MANBA: variants seen among roughly 807,000 people sequenced by gnomAD.
MANBA encodes mannosidase beta.
In MANBA, 83 loss-of-function variants were observed where a neutral mutation model predicts 111.1. That is an observed-to-expected ratio of 0.75 (90% CI 0.63 to 0.90). The LOEUF is 0.90. Ranked by LOEUF, MANBA falls within the 40% of genes least tolerant of loss-of-function variation. The pLI, the probability that MANBA is intolerant of heterozygous loss-of-function variation, is 0.00. For synonymous variants in MANBA, 370 were observed against 378.7 expected (o/e 0.98, Z 0.27); for missense variants, 1,036 against 1,069.0 (o/e 0.97, Z 0.43).
chr4:102,753,916 A>T (rs1723905003), intron 1 of MANBA: 3 of 440,624 alleles, frequency 6.8e-6, no homozygotes, highest in Non-Finnish European at 1.4e-5. Context: ...GACCATGAGA[A>T]TCGCTTGAAC....
intron 11 of MANBA, among the ~76,000 whole-genome samples, chr4:102,664,093 C>G (rs1029864283): frequency 1.3e-5 from 2 of 152,172 alleles, no homozygotes; most frequent in Non-Finnish European, 2.9e-5. Flanking sequence ...TCTAGAGATT[C>G]TAAACTTTTT....
intron 1 of MANBA, among the ~76,000 whole-genome samples, chr4:102,740,910 C>T (rs189200752): frequency 5.5e-4 from 83 of 151,698 alleles, no homozygotes; most frequent in Non-Finnish European, 4.0e-4. Context: ...TTCCTAAGAA[C>T]CCAAAAGCAA....
intron 1 of MANBA, among the ~76,000 whole-genome samples, chr4:102,735,975 AC>A (rs1194511813): frequency 1.3e-5 from 2 of 152,210 alleles, no homozygotes; most frequent in Non-Finnish European, 2.9e-5. Context: ...TTTGGACTAT[AC>A]TACAATGCCT....
At chr4:102,673,872 G>A in intron 8 of MANBA, 47 bp downstream of exon 8, 1 of 1,537,572 alleles carries the variant, frequency 6.5e-7, no homozygotes, top group Non-Finnish European at 9.0e-7. Context: ...AAGCTTTGCG[G>A]GACTGCTAAT....
intron 1 of MANBA, chr4:102,734,719 G>A: frequency 2.6e-6 from 2 of 769,736 alleles, no homozygotes; most frequent in Non-Finnish European, 4.2e-6. Context: ...TTCAGGGTCT[G>A]AGGAGGCTGT....
intron 13 of MANBA, among the ~76,000 whole-genome samples, chr4:102,648,510 T>C (rs1730197120): frequency 6.6e-6 from 1 of 152,120 alleles, no homozygotes; most frequent in South Asian, 2.1e-4. Flanking sequence ...ATTCCATTTA[T>C]ATAAAATGTT....
Position 102,728,708 on chromosome 4 carries a change from C to T in MANBA, c.178-2025G>A, listed in dbSNP as rs116085500. 0.015 allele frequency: 9,884 copies of T among 661,078 alleles called. 752 individuals are homozygous for T. In the African/African-American group the frequency reaches 0.16, roughly 11 times the overall value. 41.0% of individuals were successfully genotyped at this position (661,078 alleles called of 1,614,324 possible). A position where few individuals can be genotyped will look rare whatever the true frequency, so the allele number is the denominator to read the frequency against. On this transcript the variant is annotated intron_variant, in intron 1 of 16. Transcript: ENST00000647097. ...GCTCCCTTCTGCTCTCTGGGAGAGT[C>T]GCAGGAGGGGCAGGCTGGGAGGGGC...
chr4:102,639,734 C>T lies in MANBA; in HGVS notation c.1993G>A (p.Ala665Thr), dbSNP rs746227075. The T allele has an allele frequency of 6.2e-7, 1 of 1,614,156 alleles. No homozygotes were observed. The highest frequency in any genetic ancestry group is 8.5e-7 in the Non-Finnish European group (1 of 1,180,010). The change falls in exon 14 of 17, where the codon GCT becomes ACT. Residue 665 changes from alanine (A) to threonine (T), a missense_variant. Coordinates refer to ENST00000647097, the MANE Select transcript of MANBA (RefSeq NM_005908.4). ...TTACCAAGAGAAGCCCAGGAAGGAG[C>T]TTGCCAGATGTCATTCAACTGCCAA... ...LYWQLNDIWQ[A>T]PSWASLEYGG...
chr4:102,712,002 A>G (rs1722089096), intron 5 of MANBA, among the ~76,000 whole-genome samples: 1 of 152,214 alleles, frequency 6.6e-6, no homozygotes, highest in Non-Finnish European at 1.5e-5. Context: ...GTTTGACAGC[A>G]TAATAGTGTG....
intron 13 of MANBA, among the ~76,000 whole-genome samples, chr4:102,644,858 G>A (rs1277537919): frequency 3.3e-5 from 5 of 151,762 alleles, no homozygotes; most frequent in African/African-American, 1.2e-4. Flanking sequence ...AAAACATCAT[G>A]TTGTACACCA....
Position 102,645,784 on chromosome 4 carries a change from A to G in MANBA, c.1869+4753T>C, listed in dbSNP as rs565201064. 6.0e-4 allele frequency among the ~76,000 whole-genome samples: 92 copies of G among 152,186 alleles called. 1 individual carries two copies. The highest frequency in any genetic ancestry group is 2.1e-3 in the African/African-American group (89 of 41,530). ...CCTCTCTTTTTTCTGGGCCAGTCTA[A>G]CTAAAGGTTTGTCAATTTTGTTGAT... On this transcript the variant is annotated intron_variant, in intron 13 of 16. Transcript: ENST00000647097.
rs1231744597 is a variant in MANBA at position 102,758,090 on chromosome 4, T to C, written c.177+2628A>G. Among the ~76,000 whole-genome samples the C allele has an allele frequency of 3.3e-5, 5 of 152,344 alleles. No homozygotes were observed. In the East Asian group the frequency reaches 9.6e-4, roughly 29 times the overall value. ...AGTCACCTTATCAAAATACCTATCT[T>C]GAACCACTTTTTAAAAAATAGCAAT... On this transcript the variant is annotated intron_variant, in intron 1 of 16. Transcript: ENST00000647097.
At chr4:102,669,826 A>T (rs1731409260) in intron 9 of MANBA, among the ~76,000 whole-genome samples, 1 of 152,030 alleles carries the variant, frequency 6.6e-6, no homozygotes, top group South Asian at 2.1e-4. Context: ...TAAAAGTACA[A>T]AAAATTAGCC....
rs1400603657 is a variant in MANBA, at chr4:102,657,679, T to TA, written c.1704+2dup. On this transcript the variant is annotated splice_region_variant and intron_variant, in intron 12 of 16. Coordinates refer to ENST00000647097, the MANE Select transcript of MANBA (RefSeq NM_005908.4). The stretch of plus-strand genomic sequence containing the variant: ...AACATTAGAAAATCAAACGATGACT[T>TA]ACCTTTTCTAATGTACTGAAGGACG... 1.3e-6 allele frequency: 2 copies of TA among 1,597,366 alleles called. No individual in the cohort carries two copies. The highest frequency in any genetic ancestry group is 2.7e-5 in the African/African-American group (2 of 74,576).
At chr4:102,739,357 C>A (rs920497931) in intron 1 of MANBA, among the ~76,000 whole-genome samples, 2 of 152,142 alleles carry the variant, frequency 1.3e-5, no homozygotes, top group Non-Finnish European at 2.9e-5. Flanking sequence ...GGATTCACAG[C>A]TGAATTCTAT....
In MANBA at chr4:102,668,822, C is replaced by A. The variant is rs145870359; in HGVS notation, c.1317+141G>T. 2,044 of 698,544 alleles carry A rather than the reference C, an allele frequency of 2.9e-3. 9 individuals carry two copies. The highest frequency in any genetic ancestry group is 3.9e-3 in the Non-Finnish European group (1,493 of 383,024). 43.3% of individuals were successfully genotyped at this position (698,544 alleles called of 1,614,324 possible). A position where few individuals can be genotyped will look rare whatever the true frequency, so the allele number is the denominator to read the frequency against. On this transcript the variant is annotated intron_variant, in intron 10 of 16. Coordinates refer to ENST00000647097, the MANE Select transcript of MANBA (RefSeq NM_005908.4). The stretch of plus-strand genomic sequence containing the variant: ...AAAGCCATGACACTGGGTACAATCA[C>A]CTAGGATGTCAATTACCTGGCTGTG...
At position 102,689,573 on chromosome 4, in the gene MANBA, C is replaced by T. The variant is rs890870104; in HGVS notation, c.960+1G>A. 1.0e-5 allele frequency: 16 copies of T among 1,525,096 alleles called. No individual in the cohort carries two copies. The East Asian group carries it at 1.1e-4, about 11-fold the overall frequency. 94.5% of individuals were successfully genotyped at this position (1,525,096 alleles called of 1,614,324 possible). A position where few individuals can be genotyped will look rare whatever the true frequency, so the allele number is the denominator to read the frequency against. Reference sequence around the variant, plus strand: ...CAAAATATTTTAAATTACTTACTTACCTTAGCTGATTTTTCAATATTTAAG... The same window carrying T: ...CAAAATATTTTAAATTACTTACTTATCTTAGCTGATTTTTCAATATTTAAG... On this transcript the variant is annotated splice_donor_variant, in intron 7 of 16. Coordinates refer to ENST00000647097, the MANE Select transcript of MANBA (RefSeq NM_005908.4). LOFTEE classifies it high-confidence loss of function.
intron 1 of MANBA, chr4:102,730,377 A>G: frequency 2.0e-6 from 1 of 498,120 alleles, no homozygotes; most frequent in Non-Finnish European, 3.6e-6. Context: ...GGGTTTGCTT[A>G]GTGTAGCAAG....
At chr4:102,662,604 A>T (rs926697506) in intron 11 of MANBA, 1 of 154,300 alleles carries the variant, frequency 6.5e-6, no homozygotes, top group African/African-American at 2.4e-5. Flanking sequence ...TCAGTAATTC[A>T]CTACAACGAT....
Sources: allele counts gnomAD v4.1 joint callset (sites outside exome capture counted in the v4.1 genomes callset), GRCh38; gene constraint gnomAD v4.1.1; transcripts MANE v1.5; gene names NCBI Gene and HGNC (gene_info 2026-07-23, HGNC 2026-07-21).